Variants in RBPMS observed in about 807,000 individuals in gnomAD.
RBPMS encodes the protein RNA-binding protein with multiple splicing.
RBPMS carries 7 observed loss-of-function variants against 26.8 expected under a neutral mutation model. The observed-to-expected ratio is 0.26, with a 90% CI of 0.15 to 0.49. The LOEUF (loss-of-function observed/expected upper bound fraction) is 0.49, where lower values mean the gene tolerates loss of function less well. Among genes scored for constraint, RBPMS ranks in the 20% least tolerant of loss-of-function variants. RBPMS has a pLI of 0.98. For missense variants in RBPMS, 186 were observed against 250.0 expected (o/e 0.74, Z 1.73); for synonymous variants, 96 against 93.3 (o/e 1.03, Z -0.17).
intron 2 of RBPMS, among the ~76,000 whole-genome samples, chr8:30,475,398 T>A (rs1002924598): frequency 1.3e-5 from 2 of 152,178 alleles, no homozygotes; most frequent in Non-Finnish European, 1.5e-5. Flanking sequence ...TAAGCCAAAA[T>A]AGCCTTGCTG....
chr8:30,446,478 G>A (rs1813783993), intron 1 of RBPMS, among the ~76,000 whole-genome samples: 1 of 152,188 alleles, frequency 6.6e-6, no homozygotes, highest in Non-Finnish European at 1.5e-5. Flanking sequence ...GATAATTAGT[G>A]ACAGCATTAG....
chr8:30,440,838 G>C (rs959772604), intron 1 of RBPMS, among the ~76,000 whole-genome samples: 11 of 150,628 alleles, frequency 7.3e-5, no homozygotes, highest in Admixed American at 6.6e-4. Flanking sequence ...ATCTCACCCA[G>C]GGTGGGGTGC....
chr8:30,519,220 C>G (rs1228334247), intron 5 of RBPMS, among the ~76,000 whole-genome samples: 1 of 152,068 alleles, frequency 6.6e-6, no homozygotes, highest in Non-Finnish European at 1.5e-5. Flanking sequence ...CTCTTTCCCT[C>G]TCATACTGGT....
intron 4 of RBPMS, among the ~76,000 whole-genome samples, chr8:30,501,097 C>A (rs934838411): frequency 2.6e-5 from 4 of 152,150 alleles, no homozygotes; most frequent in African/African-American, 9.7e-5. Flanking sequence ...CAAGTTGATG[C>A]TGCTAACATT....
chr8:30,446,326 A>G (rs1713716320), intron 1 of RBPMS, among the ~76,000 whole-genome samples: 1 of 152,228 alleles, frequency 6.6e-6, no homozygotes, highest in Non-Finnish European at 1.5e-5. Flanking sequence ...TAATGTAAGA[A>G]TGAAGGCCAG....
intron 1 of RBPMS, chr8:30,442,834 T>G: frequency 6.6e-6 from 1 of 151,510 alleles, no homozygotes; most frequent in African/African-American, 2.4e-5. Flanking sequence ...CTTCCTCAGA[T>G]GGGATGGGGG....
intron 5 of RBPMS, among the ~76,000 whole-genome samples, chr8:30,520,007 T>A (rs1234654158): frequency 6.6e-6 from 1 of 152,216 alleles, no homozygotes; most frequent in Non-Finnish European, 1.5e-5. Context: ...TCATAGGCCA[T>A]ACTGTGTACT....
chr8:30,423,516 G>A (rs1351056315), intron 1 of RBPMS, among the ~76,000 whole-genome samples: 1 of 152,122 alleles, frequency 6.6e-6, no homozygotes, highest in East Asian at 1.9e-4. Flanking sequence ...CAGGGGCTCA[G>A]GGGCCATCTA....
intron 7 of RBPMS, among the ~76,000 whole-genome samples, chr8:30,560,910 T>C (rs982015764): frequency 6.6e-6 from 1 of 152,184 alleles, no homozygotes; most frequent in Admixed American, 6.5e-5. Flanking sequence ...AGTATTCATG[T>C]GTGATACTGC....
chr8:30,507,180 A>G lies in RBPMS; in HGVS notation c.397+2744A>G, dbSNP rs1454935379. Among the ~76,000 whole-genome samples the G allele has an allele frequency of 2.0e-5, 3 of 152,228 alleles. No homozygotes were observed. In the East Asian group the frequency reaches 5.8e-4, roughly 29 times the overall value. ...GTGGAGAACTTTGGCTTCAGGCTAGAAGATGTCACTGAGAATCCTGTCGAT... is the reference window on the plus strand; with the variant it reads ...GTGGAGAACTTTGGCTTCAGGCTAGGAGATGTCACTGAGAATCCTGTCGAT... On this transcript the variant is annotated intron_variant, in intron 5 of 8. Coordinates refer to ENST00000397323, the MANE Select transcript of RBPMS (RefSeq NM_001008710.3).
At chr8:30,432,818 T>C (rs199651160) in intron 1 of RBPMS, among the ~76,000 whole-genome samples, 2 of 151,678 alleles carry the variant, frequency 1.3e-5, no homozygotes, top group Non-Finnish European at 2.9e-5. Flanking sequence ...AATAAATAAA[T>C]AAATAAAACG....
chr8:30,435,569 A>G (rs1005788431), intron 1 of RBPMS, among the ~76,000 whole-genome samples: 4 of 152,234 alleles, frequency 2.6e-5, no homozygotes, highest in Non-Finnish European at 5.9e-5. Context: ...GATTCCATTC[A>G]TATCAGTAAT....
intron 1 of RBPMS, among the ~76,000 whole-genome samples, chr8:30,473,090 G>A (rs1585584367): frequency 6.6e-6 from 1 of 152,192 alleles, no homozygotes; most frequent in Admixed American, 6.5e-5. Context: ...AAAATATGAT[G>A]ATAATTCAGT....
chr8:30,511,483 A>AT (rs1821640688), intron 5 of RBPMS, among the ~76,000 whole-genome samples: 7 of 4,590 alleles, frequency 1.5e-3, no homozygotes, highest in African/African-American at 2.7e-3. Context: ...AAAAAAAAAA[A>AT]AAAATATATA....
chr8:30,558,742 C>A (rs1827192835), intron 6 of RBPMS, 145 bp from the exon 7 acceptor site: 10 of 727,156 alleles, frequency 1.4e-5, no homozygotes, highest in Admixed American at 4.0e-5. Flanking sequence ...TGCTTTTCAG[C>A]CCCTTGGGGA....
chr8:30,550,551 A>AT (rs564057087), intron 6 of RBPMS, among the ~76,000 whole-genome samples: 149 of 152,354 alleles, frequency 9.8e-4, no homozygotes, highest in African/African-American at 3.3e-3. Context: ...TGGCCAGCAC[A>AT]TGTGGATGAC....
At chr8:30,428,153 A>G (rs1255222447) in intron 1 of RBPMS, among the ~76,000 whole-genome samples, 1 of 150,928 alleles carries the variant, frequency 6.6e-6, no homozygotes, top group African/African-American at 2.4e-5. Flanking sequence ...CCTCCCGAGT[A>G]GCTGGGACTA....
intron 1 of RBPMS, among the ~76,000 whole-genome samples, chr8:30,389,522 T>C (rs1807531353): frequency 1.3e-5 from 2 of 152,204 alleles, no homozygotes; most frequent in Admixed American, 1.3e-4. Context: ...TGTAAATTAG[T>C]GTAGCTTTTC....
chr8:30,570,287 A>G (rs983874106), intron 8 of RBPMS, among the ~76,000 whole-genome samples: 3 of 152,198 alleles, frequency 2.0e-5, no homozygotes, highest in Non-Finnish European at 4.4e-5. Context: ...TGCTGAGCTG[A>G]TTGATTGCCT....
Sources: gnomAD v4.1 joint callset for allele counts (sites outside exome capture counted in the v4.1 genomes callset) on GRCh38, gnomAD v4.1.1 for gene constraint, MANE v1.5 for transcripts, NCBI Gene and HGNC (gene_info 2026-07-23, HGNC 2026-07-21) for gene names.